ADGRL4: variants seen among roughly 807,000 people sequenced by gnomAD.
ADGRL4 encodes adhesion G protein-coupled receptor L4, also known as EGF, latrophilin and seven transmembrane domain containing 1.
ADGRL4 carries 90 observed loss-of-function variants against 74.8 expected under a neutral mutation model. That is an observed-to-expected ratio of 1.20 (90% CI 1.02 to 1.43). ADGRL4 has a LOEUF of 1.43. Ranked by LOEUF, ADGRL4 falls within the 40% of genes most tolerant of loss-of-function variation. The pLI, the probability that ADGRL4 is intolerant of heterozygous loss-of-function variation, is 0.00. For missense variants in ADGRL4, 881 were observed against 814.3 expected (o/e 1.08, Z -1.00); for synonymous variants, 311 against 279.2 (o/e 1.11, Z -1.14).
intron 2 of ADGRL4, among the ~76,000 whole-genome samples, chr1:78,994,658 G>A (rs1264753349): frequency 6.6e-6 from 1 of 152,128 alleles, no homozygotes; most frequent in African/African-American, 2.4e-5. Flanking sequence ...AATTATTACT[G>A]ACAGATAAAA....
At position 78,918,024 on chromosome 1, in the gene ADGRL4, C is replaced by T. The variant is rs1648914932; in HGVS notation, c.1488G>A (p.Leu496=). 1 of 1,609,874 alleles carries T rather than the reference C, an allele frequency of 6.2e-7. No individual in the cohort carries two copies. Among genetic ancestry groups the T allele is most frequent in the African/African-American group, 1.3e-5 (1 of 74,262 alleles). The change falls in exon 11 of 15, where the codon CTG becomes CTA. Residue 496 remains leucine, a synonymous_variant. Coordinates refer to ENST00000370742, the MANE Select transcript of ADGRL4 (RefSeq NM_022159.4). ...AAGCAGCTAAAAAGAAGTAGTGTAGCAGTCCGGCAATGATTGAACAGAAGA... is the reference window on the plus strand; with the variant it reads ...AAGCAGCTAAAAAGAAGTAGTGTAGTAGTCCGGCAATGATTGAACAGAAGA... ...NKLFCSIIAG[L]LHYFFLAAFA... is the part of the protein sequence containing the mutation.
chr1:78,936,251 G>C, intron 7 of ADGRL4, 44 bp downstream of exon 7: 1 of 1,551,110 alleles, frequency 6.4e-7, no homozygotes, highest in Non-Finnish European at 8.7e-7. Context: ...AATATTTATT[G>C]CAAATTCATT....
chr1:78,991,812 C>T (rs182785809), intron 2 of ADGRL4, among the ~76,000 whole-genome samples: 29 of 151,974 alleles, frequency 1.9e-4, no homozygotes, highest in African/African-American at 6.3e-4. Context: ...AGTTTACATC[C>T]TTCTAATGGC....
chr1:78,941,708 C>T (rs756568559), intron 3 of ADGRL4, among the ~76,000 whole-genome samples: 7 of 152,138 alleles, frequency 4.6e-5, no homozygotes, highest in Non-Finnish European at 7.3e-5. Flanking sequence ...GGCTTGTCTA[C>T]AGTGAATGTG....
chr1:78,920,357 C>A lies in ADGRL4; in HGVS notation c.1287G>T (p.Arg429Ser). 3 of 1,599,070 alleles carry A rather than the reference C, an allele frequency of 1.9e-6. No individual in the cohort carries two copies. Among genetic ancestry groups the A allele is most frequent in the African/African-American group, 1.3e-5 (1 of 74,524 alleles). Residue 429 changes from arginine to serine, a missense_variant, in exon 10 of 15, where the codon AGG (arginine) becomes AGT (serine). Coordinates refer to ENST00000370742, the MANE Select transcript of ADGRL4 (RefSeq NM_022159.4). ...IGIKDYNILT[R>S]ITQLGIIISL... Reference sequence around the variant, plus strand: ...AAATAATTATTCCTAGTTGAGTGATCCTTGTAAGAATATTATAATCTTTAA... The same window carrying A: ...AAATAATTATTCCTAGTTGAGTGATACTTGTAAGAATATTATAATCTTTAA...
chr1:78,977,425 T>A (rs114000948), intron 2 of ADGRL4, among the ~76,000 whole-genome samples: 3,810 of 151,950 alleles, frequency 0.025, 72 homozygotes, highest in South Asian at 0.053. Flanking sequence ...AAACTCAGAG[T>A]GTGCATCTAA....
chr1:78,922,318 T>G (rs1649017897), intron 8 of ADGRL4, among the ~76,000 whole-genome samples: 2 of 151,930 alleles, frequency 1.3e-5, no homozygotes, highest in Non-Finnish European at 2.9e-5. Flanking sequence ...TCCAACAGAC[T>G]TGGGAACAGA....
intron 3 of ADGRL4, among the ~76,000 whole-genome samples, chr1:78,945,034 G>A (rs12755373): frequency 0.49 from 74,488 of 151,320 alleles, 18,647 homozygotes; most frequent in Middle Eastern, 0.55. Flanking sequence ...GTGTGGCAGC[G>A]TGCACCTGTA....
intron 3 of ADGRL4, among the ~76,000 whole-genome samples, chr1:78,944,892 A>T (rs770268835): frequency 1.3e-5 from 2 of 152,052 alleles, no homozygotes; most frequent in African/African-American, 4.8e-5. Flanking sequence ...ATTTTTGAAC[A>T]TTGTGTCATA....
At chr1:78,943,549 T>G (rs1649535601) in intron 3 of ADGRL4, among the ~76,000 whole-genome samples, 2 of 152,204 alleles carry the variant, frequency 1.3e-5, no homozygotes, top group African/African-American at 4.8e-5. Flanking sequence ...ATCAAAGTCT[T>G]CCATTTTTTA....
intron 1 of ADGRL4, 150 bp downstream of exon 1, chr1:79,006,483 A>G: frequency 1.1e-6 from 1 of 877,404 alleles, no homozygotes; most frequent in Non-Finnish European, 1.7e-6. Context: ...GGTCAAGGAG[A>G]AAAACATCCT....
intron 2 of ADGRL4, 130 bp downstream of exon 2, chr1:79,004,940 C>T (rs561582051): frequency 8.2e-5 from 57 of 699,358 alleles, no homozygotes; most frequent in East Asian, 1.5e-4. Flanking sequence ...TAGCTACTTA[C>T]GCGTTTTTTA....
chr1:78,967,837 A>G (rs1159504374), intron 2 of ADGRL4, among the ~76,000 whole-genome samples: 2 of 151,358 alleles, frequency 1.3e-5, no homozygotes, highest in African/African-American at 2.5e-5. Context: ...GCCAAAAAAA[A>G]AAATAATAAC....
chr1:78,892,759 A>G (rs763545172), intron 13 of ADGRL4, among the ~76,000 whole-genome samples: 13 of 152,046 alleles, frequency 8.6e-5, no homozygotes, highest in Non-Finnish European at 1.8e-4. Context: ...AATCATGACA[A>G]CATGCAAACT....
intron 4 of ADGRL4, 74 bp downstream of exon 4, chr1:78,939,114 A>G (rs2100689388): frequency 1.4e-6 from 2 of 1,437,176 alleles, no homozygotes; most frequent in Non-Finnish European, 1.8e-6. Context: ...TCTTCTTGAA[A>G]TGTGTGACAT....
chr1:78,906,157 C>T (rs923047325), intron 12 of ADGRL4, among the ~76,000 whole-genome samples: 3 of 151,934 alleles, frequency 2.0e-5, no homozygotes, highest in African/African-American at 7.2e-5. Flanking sequence ...TAGGCCACAA[C>T]TAAATTCTTA....
rs74583746 is a variant in ADGRL4 at position 78,998,188 on chromosome 1, T to C, written c.172+6882A>G. Among the ~76,000 whole-genome samples the C allele has an allele frequency of 9.4e-3, 1,428 of 151,894 alleles. 23 individuals are homozygous for C. The highest frequency in any genetic ancestry group is 0.031 in the African/African-American group (1,294 of 41,440). ...TTGAACTGCCCCCTTTTGTGGCATT[T>C]GACGCTGCTTTGAGAATTTCACTCT... On this transcript the variant is annotated intron_variant, in intron 2 of 14. Transcript: ENST00000370742.
intron 2 of ADGRL4, among the ~76,000 whole-genome samples, chr1:78,985,209 T>C (rs1444003739): frequency 6.6e-6 from 1 of 151,858 alleles, no homozygotes; most frequent in East Asian, 1.9e-4. Flanking sequence ...TCTATCATTC[T>C]ATCTATCTAA....
chr1:78,946,453 A>AT, intron 2 of ADGRL4, 27 bp from the exon 3 acceptor site: 1 of 1,550,426 alleles, frequency 6.4e-7, no homozygotes, highest in Non-Finnish European at 8.8e-7. Context: ...TTAAAAGATT[A>AT]TTTTTATATA....
Sources: gnomAD v4.1 joint callset for allele counts (sites outside exome capture counted in the v4.1 genomes callset) on GRCh38, gnomAD v4.1.1 for gene constraint, MANE v1.5 for transcripts, NCBI Gene and HGNC (gene_info 2026-07-23, HGNC 2026-07-21) for gene names.